Variants in SCP2 observed in about 807,000 individuals in gnomAD.
The protein encoded by SCP2 is SCP-2/3-oxoacyl-CoA thiolase.
In SCP2, 48 loss-of-function variants were observed where a neutral mutation model predicts 71.4. The ratio of observed to expected loss-of-function variants is 0.67; its 90% CI spans 0.53 to 0.86. The LOEUF is 0.86. Ranked by LOEUF, SCP2 falls within the 40% of genes least tolerant of loss-of-function variation. The pLI is 0.00. For synonymous variants in SCP2, 220 were observed against 218.1 expected (o/e 1.01, Z -0.08); for missense variants, 560 against 655.6 (o/e 0.85, Z 1.59).
At chr1:52,958,751 C>T (rs1389895460) in intron 5 of SCP2, among the ~76,000 whole-genome samples, 1 of 151,766 alleles carries the variant, frequency 6.6e-6, no homozygotes, top group African/African-American at 2.4e-5. Context: ...GACGGGTTCT[C>T]CCTATGTTGC....
At position 53,006,695 on chromosome 1, in the gene SCP2, T is replaced by C. The variant is rs546187230; in HGVS notation, c.1082-8195T>C. Among the ~76,000 whole-genome samples, 9 of 152,300 alleles carry C rather than the reference T, an allele frequency of 5.9e-5. No individual in the cohort carries two copies. The South Asian group carries it at 6.2e-4, about 11-fold the overall frequency. ...AAAACATGCCAAATTGTAAAGATCA[T>C]TGATGCTAGGAAGAAACTGCATCAA... is the stretch of plus-strand genomic sequence containing the variant. On this transcript the variant is annotated intron_variant, in intron 11 of 15. Transcript: ENST00000371514.
intron 13 of SCP2, 121 bp from the exon 14 acceptor site, chr1:53,038,796 C>T (rs1410777759): frequency 2.5e-6 from 3 of 1,215,754 alleles, no homozygotes; most frequent in Admixed American, 3.5e-5. Flanking sequence ...TCATAAGGGA[C>T]CTTGGGGACC....
intron 5 of SCP2, among the ~76,000 whole-genome samples, chr1:52,960,548 ACATG>A (rs1449990737): frequency 7.3e-6 from 1 of 137,220 alleles, no homozygotes; most frequent in East Asian, 2.7e-4. Flanking sequence ...GTATGTATAT[ACATG>A]TGTATATATG....
intron 5 of SCP2, among the ~76,000 whole-genome samples, chr1:52,959,729 C>T (rs1557561021): frequency 2.0e-5 from 3 of 151,894 alleles, no homozygotes; most frequent in African/African-American, 7.3e-5. Context: ...ATGTTATTCC[C>T]GTCTTTTTAA....
chr1:52,963,195 C>T (rs766256973), intron 6 of SCP2, among the ~76,000 whole-genome samples: 6 of 152,104 alleles, frequency 3.9e-5, no homozygotes, highest in Non-Finnish European at 8.8e-5. Flanking sequence ...TTGCTTCCTT[C>T]ATAGCACTTA....
chr1:52,944,051 G>A (rs1341478107), intron 2 of SCP2: 3 of 187,538 alleles, frequency 1.6e-5, no homozygotes, highest in Non-Finnish European at 3.5e-5. Flanking sequence ...TTTGGTTTGG[G>A]GGCAAGTACT....
rs141498655 is a variant in SCP2, at chr1:52,992,966, A to G, written c.1081+4830A>G. 1.1e-3 allele frequency among the ~76,000 whole-genome samples: 172 copies of G among 152,334 alleles called. 1 individual carries two copies. Among genetic ancestry groups the G allele is most frequent in the African/African-American group, 4.1e-3 (169 of 41,584 alleles). ...AGCATGTCTGTGTATATAGACATAT[A>G]TTTTAAAGGAATCAGATAATCTTTG... On this transcript the variant is annotated intron_variant, in intron 11 of 15. Transcript: ENST00000371514.
intron 7 of SCP2, 67 bp downstream of exon 7, chr1:52,974,899 T>C: frequency 1.2e-6 from 1 of 813,954 alleles, no homozygotes; most frequent in African/African-American, 1.7e-5. Context: ...TGCAACTTTA[T>C]ACTTGAAAAG....
At chr1:53,026,241 T>C (rs954838648) in intron 12 of SCP2, among the ~76,000 whole-genome samples, 2 of 152,240 alleles carry the variant, frequency 1.3e-5, no homozygotes, top group African/African-American at 4.8e-5. Flanking sequence ...TAAATATTTG[T>C]CTTTTCTTTA....
rs188986908 is a variant in SCP2 at position 52,959,666 on chromosome 1, C to T, written c.397-1837C>T. ...GAGCGTTGATAGTTTATGTCCTTCA[C>T]GGAATTTGTCCAGTTCATCTAAATT... On this transcript the variant is annotated intron_variant, in intron 5 of 15. Coordinates refer to ENST00000371514, the MANE Select transcript of SCP2 (RefSeq NM_002979.5). 8.3e-4 allele frequency among the ~76,000 whole-genome samples: 126 copies of T among 151,956 alleles called. No homozygotes were observed. The East Asian group carries it at 0.018, about 21-fold the overall frequency.
intron 11 of SCP2, among the ~76,000 whole-genome samples, chr1:52,999,815 G>GTTTTTTTTTTTTTTTTTTTTTT: frequency 9.1e-6 from 1 of 109,420 alleles, no homozygotes; most frequent in Admixed American, 1.1e-4. Context: ...CTGAACACTT[G>GTTTTTTTTTTTTTTTTTTTTTT]TTTTTTTTTT....
At chr1:53,030,257 A>G (rs576445989) in intron 13 of SCP2, among the ~76,000 whole-genome samples, 13 of 152,302 alleles carry the variant, frequency 8.5e-5, no homozygotes, top group Non-Finnish European at 1.8e-4. Flanking sequence ...GCTTCCTGTG[A>G]TGAATATCAG....
chr1:52,985,063 G>A (rs542236691), intron 10 of SCP2, among the ~76,000 whole-genome samples: 1 of 151,404 alleles, frequency 6.6e-6, no homozygotes, highest in Non-Finnish European at 1.5e-5. Context: ...GGCTGGTCTC[G>A]AACTCCTGAC....
Position 52,980,483 on chromosome 1 carries a change from C to T in SCP2, c.913C>T (p.His305Tyr). 6.2e-7 allele frequency: 1 copy of T among 1,613,942 alleles called. No individual in the cohort carries two copies. Among genetic ancestry groups the T allele is most frequent in the South Asian group, 1.1e-5 (1 of 91,072 alleles). The change falls in exon 10 of 16, where the codon CAC becomes TAC. Residue 305 changes from histidine (H) to tyrosine (Y), a missense_variant. Transcript: ENST00000371514. ...AAATGATATTGACGTAATAGAACTT[C>T]ACGATTGCTTTTCTACCAACGAACT... ...TPNDIDVIELHDCFSTNELLT... is the reference protein window; with the variant it reads ...TPNDIDVIELYDCFSTNELLT...
chr1:52,957,476 A>G (rs1206336501), intron 5 of SCP2, among the ~76,000 whole-genome samples: 1 of 152,240 alleles, frequency 6.6e-6, no homozygotes, highest in Non-Finnish European at 1.5e-5. Context: ...CTGCCAAAAA[A>G]ACAAAACAAA....
chr1:52,964,179 A>G (rs1239694558), intron 6 of SCP2, among the ~76,000 whole-genome samples: 1 of 149,436 alleles, frequency 6.7e-6, no homozygotes, highest in African/African-American at 2.5e-5. Flanking sequence ...TATGGTTGTC[A>G]TTTGAAAGGT....
chr1:52,962,738 C>T (rs1189772019), intron 6 of SCP2, among the ~76,000 whole-genome samples: 3 of 152,190 alleles, frequency 2.0e-5, no homozygotes, highest in East Asian at 1.9e-4. Context: ...CCCTTGCTTC[C>T]ATCAGGTCTT....
Position 53,048,251 on chromosome 1 carries a change from T to G in SCP2, c.1548+314T>G, listed in dbSNP as rs573193180. 1.6e-4 allele frequency: 60 copies of G among 367,952 alleles called. No homozygotes were observed. In the Admixed American group the frequency reaches 1.8e-3, roughly 11 times the overall value. 22.8% of individuals were successfully genotyped at this position (367,952 alleles called of 1,614,324 possible). ...GGATGAAGGCAGGAGCAGCCATATCTCTCTGGGCCATCAGGGAGAGCACCA... is the reference window on the plus strand; with the variant it reads ...GGATGAAGGCAGGAGCAGCCATATCGCTCTGGGCCATCAGGGAGAGCACCA... On this transcript the variant is annotated intron_variant, in intron 15 of 15. Coordinates refer to ENST00000371514, the MANE Select transcript of SCP2 (RefSeq NM_002979.5).
intron 12 of SCP2, among the ~76,000 whole-genome samples, chr1:53,024,207 T>C (rs1398626982): frequency 6.6e-6 from 1 of 152,170 alleles, no homozygotes; most frequent in Non-Finnish European, 1.5e-5. Flanking sequence ...AGACAAATAC[T>C]ATATGATTCC....
Sources: gnomAD v4.1 joint callset for allele counts (sites outside exome capture counted in the v4.1 genomes callset) on GRCh38, gnomAD v4.1.1 for gene constraint, MANE v1.5 for transcripts, NCBI Gene and HGNC (gene_info 2026-07-23, HGNC 2026-07-21) for gene names.